UNC5D: variants seen among roughly 807,000 people sequenced by gnomAD.
UNC5D encodes the protein unc-5 netrin receptor D, also known as netrin receptor UNC5D.
A neutral mutation model predicts 105.4 loss-of-function variants in UNC5D; 39 were observed. That is an observed-to-expected ratio of 0.37 (90% confidence interval 0.29 to 0.48). The LOEUF (loss-of-function observed/expected upper bound fraction) is 0.48, where lower values mean the gene tolerates loss of function less well. Ranked by LOEUF, UNC5D falls within the 20% of genes least tolerant of loss-of-function variation. The pLI is 0.98. For synonymous variants in UNC5D, 452 were observed against 450.4 expected, an observed-to-expected ratio of 1.00 and a Z score of -0.04; for missense variants, 991 against 1,202.4, an observed-to-expected ratio of 0.82 and a Z score of 2.60.
At chr8:35,333,348 AT>A (rs1402416743) in intron 1 of UNC5D, among the ~76,000 whole-genome samples, 1 of 152,148 alleles carries the variant, frequency 6.6e-6, no homozygotes, top group Non-Finnish European at 1.5e-5. Context: ...GAAATTATAT[AT>A]AAGCTTTAGC....
intron 1 of UNC5D, among the ~76,000 whole-genome samples, chr8:35,343,020 G>A (rs926716956): frequency 6.6e-6 from 1 of 152,016 alleles, no homozygotes; most frequent in Non-Finnish European, 1.5e-5. Context: ...CTTATTAGAG[G>A]ACAAATTCTG....
intron 8 of UNC5D, among the ~76,000 whole-genome samples, chr8:35,709,615 G>GGGAGGT (rs1352019650): frequency 6.6e-6 from 1 of 152,134 alleles, no homozygotes; most frequent in Non-Finnish European, 1.5e-5. Context: ...ACTTGAAGCC[G>GGGAGGT]GGAGGTGGAG....
At chr8:35,417,617 A>G (rs1484158328) in intron 1 of UNC5D, among the ~76,000 whole-genome samples, 1 of 152,170 alleles carries the variant, frequency 6.6e-6, no homozygotes, top group Non-Finnish European at 1.5e-5. Flanking sequence ...GGTCAAATAT[A>G]TAGATTTTTT....
At chr8:35,247,096 G>A (rs1803153530) in intron 1 of UNC5D, among the ~76,000 whole-genome samples, 1 of 151,924 alleles carries the variant, frequency 6.6e-6, no homozygotes, top group African/African-American at 2.4e-5. Context: ...TCTCAGTGTT[G>A]TCCTTGCCTC....
chr8:35,313,445 G>C (rs1442993582), intron 1 of UNC5D, among the ~76,000 whole-genome samples: 1 of 152,112 alleles, frequency 6.6e-6, no homozygotes, highest in Non-Finnish European at 1.5e-5. Flanking sequence ...GAGAGAAAAT[G>C]ACTATAATTT....
chr8:35,561,154 C>T (rs1455914406), intron 2 of UNC5D, among the ~76,000 whole-genome samples: 1 of 152,054 alleles, frequency 6.6e-6, no homozygotes, highest in African/African-American at 2.4e-5. Context: ...ATATGCAAAC[C>T]AAGCAATCCA....
rs750640675 is a variant in UNC5D, at chr8:35,750,703, G to A, written c.2057G>A (p.Cys686Tyr). ...YALTGEPITDCAVKQLKVAVF... is the reference protein window; with the variant it reads ...YALTGEPITDYAVKQLKVAVF... ...CTCACTGGAGAGCCAATCACAGACTGTGCCGTGAAGCAACTGAAGGTGGCG... is the reference window on the plus strand; with the variant it reads ...CTCACTGGAGAGCCAATCACAGACTATGCCGTGAAGCAACTGAAGGTGGCG... The change falls in exon 13 of 17, where the codon TGT becomes TAT. Residue 686 changes from cysteine to tyrosine, a missense_variant. Around this residue, in one of 3 missense-constraint regions of UNC5D, gnomAD observed 944 missense variants for 1,131.6 expected, o/e 0.83. Coordinates refer to ENST00000404895, the MANE Select transcript of UNC5D (RefSeq NM_080872.4). 2 of 1,614,034 alleles carry A rather than the reference G, an allele frequency of 1.2e-6. No homozygotes were observed. Among genetic ancestry groups the A allele is most frequent in the Admixed American group, 3.3e-5 (2 of 59,998 alleles).
intron 8 of UNC5D, among the ~76,000 whole-genome samples, chr8:35,716,745 G>A (rs190304072): frequency 1.8e-4 from 27 of 152,236 alleles, no homozygotes; most frequent in Non-Finnish European, 2.9e-4. Context: ...GAGATATTAC[G>A]AGATTCTAAA....
chr8:35,512,539 G>GTATGTATATATATA (rs1812814677), intron 1 of UNC5D, among the ~76,000 whole-genome samples: 1 of 40,272 alleles, frequency 2.5e-5, no homozygotes. Context: ...AGATATGTAT[G>GTATGTATATATATA]TATATATATA....
chr8:35,567,356 A>G (rs1025505630), intron 2 of UNC5D, among the ~76,000 whole-genome samples: 4 of 152,190 alleles, frequency 2.6e-5, no homozygotes, highest in Non-Finnish European at 5.9e-5. Context: ...GTATACATGT[A>G]TCAAAATATC....
At chr8:35,486,423 T>C (rs933284305) in intron 1 of UNC5D, among the ~76,000 whole-genome samples, 3 of 152,208 alleles carry the variant, frequency 2.0e-5, no homozygotes, top group African/African-American at 7.2e-5. Flanking sequence ...AAGGGTTCAG[T>C]CTGAGCCTTT....
At chr8:35,690,493 C>T (rs1247048950) in intron 7 of UNC5D, among the ~76,000 whole-genome samples, 1 of 152,056 alleles carries the variant, frequency 6.6e-6, no homozygotes, top group African/African-American at 2.4e-5. Flanking sequence ...AAAATATAAG[C>T]CAGACATGGT....
chr8:35,604,805 C>A (rs1820162326), intron 4 of UNC5D, among the ~76,000 whole-genome samples: 1 of 152,176 alleles, frequency 6.6e-6, no homozygotes, highest in South Asian at 2.1e-4. Flanking sequence ...TGTCTTCCAT[C>A]ACTGATACCT....
chr8:35,421,207 G>A (rs1285724812), intron 1 of UNC5D, among the ~76,000 whole-genome samples: 1 of 152,046 alleles, frequency 6.6e-6, no homozygotes. Context: ...AGTAAGTAAG[G>A]GATCTGTGCA....
chr8:35,277,952 CT>C (rs1055139717), intron 1 of UNC5D, among the ~76,000 whole-genome samples: 1 of 152,172 alleles, frequency 6.6e-6, no homozygotes, highest in Non-Finnish European at 1.5e-5. Flanking sequence ...GAGTCAGCAG[CT>C]TGGGCAGGGG....
intron 1 of UNC5D, among the ~76,000 whole-genome samples, chr8:35,388,975 T>C (rs1000990688): frequency 6.6e-6 from 1 of 152,220 alleles, no homozygotes; most frequent in Admixed American, 6.5e-5. Flanking sequence ...TTTTCAATGT[T>C]CATTGACGGT....
At chr8:35,284,635 A>C (rs1021033310) in intron 1 of UNC5D, among the ~76,000 whole-genome samples, 2 of 152,102 alleles carry the variant, frequency 1.3e-5, no homozygotes, top group Admixed American at 6.5e-5. Flanking sequence ...GCTCACTATA[A>C]GCTCCGCCTC....
chr8:35,733,381 A>C (rs951516342), intron 11 of UNC5D, among the ~76,000 whole-genome samples: 1 of 152,130 alleles, frequency 6.6e-6, no homozygotes, highest in Non-Finnish European at 1.5e-5. Flanking sequence ...CCAGTGTGTC[A>C]CCTTTTCTTT....
chr8:35,609,859 G>C (rs1290949755), intron 4 of UNC5D, among the ~76,000 whole-genome samples: 1 of 152,122 alleles, frequency 6.6e-6, no homozygotes, highest in Admixed American at 6.5e-5. Flanking sequence ...GTATCAGCTG[G>C]CTTTGTCTCT....
Sources: allele counts gnomAD v4.1 joint callset (sites outside exome capture counted in the v4.1 genomes callset), GRCh38; gene constraint gnomAD v4.1.1; regional missense constraint gnomAD v4.1.1; transcripts MANE v1.5; gene names NCBI Gene and HGNC (gene_info 2026-07-23, HGNC 2026-07-21).